The following PCDHGA6 variants were observed in gnomAD, a reference collection of about 807,000 sequenced individuals.
PCDHGA6 encodes protocadherin gamma-A6.
PCDHGA6 carries 41 observed loss-of-function variants against 60.6 expected under a neutral mutation model. That is an observed-to-expected ratio of 0.68 (90% CI 0.53 to 0.88). The LOEUF (loss-of-function observed/expected upper bound fraction) is 0.88, where lower values mean the gene tolerates loss of function less well. PCDHGA6 is among the 40% of genes least tolerant of loss of function. The pLI is 0.00. For missense variants in PCDHGA6, 1,312 were observed against 1,203.0 expected, an observed-to-expected ratio of 1.09 and a Z score of -1.34; for synonymous variants, 594 against 524.4, an observed-to-expected ratio of 1.13 and a Z score of -1.81.
intron 1 of PCDHGA6, among the ~76,000 whole-genome samples, chr5:141,437,976 T>G (rs1182220385): frequency 1.3e-5 from 2 of 152,096 alleles, no homozygotes; most frequent in Non-Finnish European, 2.9e-5. Flanking sequence ...GATCTTGGGA[T>G]GCACCCACCC....
chr5:141,510,840 A>C (rs2099882997), intron 3 of PCDHGA6, 107 bp from the exon 4 acceptor site: 1 of 1,588,450 alleles, frequency 6.3e-7, no homozygotes, highest in Non-Finnish European at 8.6e-7. Context: ...CAGCGTGGTC[A>C]AGGCCCAGGG....
At position 141,431,516 on chromosome 5, in the gene PCDHGA6, G is replaced by C. The variant is rs941913367; in HGVS notation, c.2424+55009G>C. 3.1e-6 allele frequency: 5 copies of C among 1,613,954 alleles called. No homozygotes were observed. In the African/African-American group the frequency reaches 6.7e-5, roughly 22 times the overall value. On this transcript the variant is annotated intron_variant, in intron 1 of 3. Coordinates refer to ENST00000517434, the MANE Select transcript of PCDHGA6 (RefSeq NM_018919.3). This position sits in a 1 kb window ranked among gnomAD's most constrained non-coding sequence, Gnocchi z 4.8. ...GCCCGAGTACCGCGCGAGCGTTCCG[G>C]AGAATCTGGCCTTGGGCACGCAGCT... is the stretch of plus-strand genomic sequence containing the variant.
Position 141,432,400 on chromosome 5 carries a change from G to C in PCDHGA6, c.2424+55893G>C, listed in dbSNP as rs139153105. ...ACCCGCCCCTCAGCAGCAACGTGTC[G>C]TTGAGCCTGTTCGTGCTGGACCAGA... is the stretch of plus-strand genomic sequence containing the variant. On this transcript the variant is annotated intron_variant, in intron 1 of 3. Coordinates refer to ENST00000517434, the MANE Select transcript of PCDHGA6 (RefSeq NM_018919.3). This position sits in a 1 kb window ranked among gnomAD's most constrained non-coding sequence, Gnocchi z 6.0. 1.2e-6 allele frequency: 2 copies of C among 1,614,240 alleles called. No individual in the cohort carries two copies. Among genetic ancestry groups the C allele is most frequent in the South Asian group, 2.2e-5 (2 of 91,090 alleles).
intron 3 of PCDHGA6, among the ~76,000 whole-genome samples, chr5:141,506,012 T>C (rs2099850012): frequency 6.6e-6 from 1 of 152,208 alleles, no homozygotes; most frequent in Non-Finnish European, 1.5e-5. Context: ...CCTCTTTTGC[T>C]GCCCCTAACT....
At chr5:141,494,965 C>T in intron 2 of PCDHGA6, 100 bp downstream of exon 2, 1 of 1,592,636 alleles carries the variant, frequency 6.3e-7, no homozygotes, top group Non-Finnish European at 8.6e-7. Context: ...CTACAGATGG[C>T]TTCTCCCTCA....
In PCDHGA6 at chr5:141,394,525, G is replaced by T; in HGVS notation, c.2424+18018G>T. ...CTGTACCCCGCCCTCCCCACAGACG[G>T]TTCCACTGGCGTGGAGCTGGCGCCC... On this transcript the variant is annotated intron_variant, in intron 1 of 3. Coordinates refer to ENST00000517434, the MANE Select transcript of PCDHGA6 (RefSeq NM_018919.3). 3 of 1,614,228 alleles carry T rather than the reference G, an allele frequency of 1.9e-6. No homozygotes were observed. The East Asian group carries it at 6.7e-5, about 36-fold the overall frequency.
At chr5:141,409,511 A>C in intron 1 of PCDHGA6, 1 of 1,614,018 alleles carries the variant, frequency 6.2e-7, no homozygotes, top group Non-Finnish European at 8.5e-7. Flanking sequence ...TTCCAGTAGA[A>C]GCATCACCTT....
intron 1 of PCDHGA6, chr5:141,428,021 C>T: frequency 1.2e-6 from 2 of 1,605,604 alleles, no homozygotes; most frequent in Non-Finnish European, 1.7e-6. Context: ...TGCCACGCGC[C>T]GCAGAGTCCG....
chr5:141,430,622 A>T, intron 1 of PCDHGA6: 1 of 752,270 alleles, frequency 1.3e-6, no homozygotes, highest in Admixed American at 2.9e-5. Context: ...GATAGCTAGG[A>T]ATGAACCATC....
intron 1 of PCDHGA6, among the ~76,000 whole-genome samples, chr5:141,482,207 G>T (rs983812650): frequency 6.6e-6 from 1 of 152,130 alleles, no homozygotes; most frequent in East Asian, 1.9e-4. Flanking sequence ...AAACAGACCA[G>T]GTACTTGTTT....
intron 1 of PCDHGA6, among the ~76,000 whole-genome samples, chr5:141,470,290 C>T (rs1226383020): frequency 1.3e-5 from 2 of 152,148 alleles, no homozygotes; most frequent in Non-Finnish European, 2.9e-5. Context: ...TATTGGTTAA[C>T]TGTTTTTATT....
Position 141,490,683 on chromosome 5 carries a change from A to C in PCDHGA6, c.2425-4124A>C, listed in dbSNP as rs766019662. 6 of 1,614,088 alleles carry C rather than the reference A, an allele frequency of 3.7e-6. No homozygotes were observed. The highest frequency in any genetic ancestry group is 5.1e-6 in the Non-Finnish European group (6 of 1,180,034). On this transcript the variant is annotated intron_variant, in intron 1 of 3. Transcript: ENST00000517434. The surrounding 1 kb of genome is among the most constrained non-coding windows in gnomAD (Gnocchi z 5.4). ...TTTGCACTGTGGCTGCCTCAGATCCAGACACTGGGGATAATGCCCGCCTCA... is the reference window on the plus strand; with the variant it reads ...TTTGCACTGTGGCTGCCTCAGATCCCGACACTGGGGATAATGCCCGCCTCA...
Position 141,487,779 on chromosome 5 carries a change from T to C in PCDHGA6, c.2425-7028T>C, listed in dbSNP as rs1269811316. On this transcript the variant is annotated intron_variant, in intron 1 of 3. Coordinates refer to ENST00000517434, the MANE Select transcript of PCDHGA6 (RefSeq NM_018919.3). This position sits in a 1 kb window ranked among gnomAD's most constrained non-coding sequence, Gnocchi z 5.0. ...GTAGACGCTGTGCTTTGTAACTGTT[T>C]CGTGAATTAACCAGAGTTGTCACAG... is the stretch of plus-strand genomic sequence containing the variant. 2.6e-6 allele frequency: 4 copies of C among 1,530,492 alleles called. No individual in the cohort carries two copies. The highest frequency in any genetic ancestry group is 2.6e-6 in the Non-Finnish European group (3 of 1,133,212). The allele number at this position is 1,530,492 out of a possible 1,614,324, so 94.8% of individuals were successfully genotyped here. A position where few individuals can be genotyped will look rare whatever the true frequency, so the allele number is the denominator to read the frequency against.
chr5:141,424,956 T>C (rs1435882776), intron 1 of PCDHGA6, among the ~76,000 whole-genome samples: 3 of 152,176 alleles, frequency 2.0e-5, no homozygotes, highest in African/African-American at 7.2e-5. Context: ...TTCTAGGTAT[T>C]TGCCCCAAAT....
intron 1 of PCDHGA6, chr5:141,410,258 G>A: frequency 6.2e-7 from 1 of 1,614,022 alleles, no homozygotes; most frequent in East Asian, 2.2e-5. Context: ...TGACCCCCAG[G>A]CTGAACTGCA....
chr5:141,410,068 C>A, intron 1 of PCDHGA6: 1 of 1,612,950 alleles, frequency 6.2e-7, no homozygotes. Context: ...TGGGGCTGCG[C>A]ACTGGGGAGG....
At chr5:141,478,088 A>G (rs2099429877) in intron 1 of PCDHGA6, 2 of 1,613,944 alleles carry the variant, frequency 1.2e-6, no homozygotes, top group African/African-American at 1.3e-5. Context: ...TTCGCTCTCC[A>G]CCACTGCTAC....
chr5:141,409,711 A>T (rs768917889), intron 1 of PCDHGA6: 1 of 1,613,204 alleles, frequency 6.2e-7, no homozygotes, highest in Non-Finnish European at 8.5e-7. Flanking sequence ...CGGTGTCGTC[A>T]TACGTGTCAG....
Position 141,490,854 on chromosome 5 carries a change from C to T in PCDHGA6, c.2425-3953C>T. On this transcript the variant is annotated intron_variant, in intron 1 of 3. Transcript: ENST00000517434. The surrounding 1 kb of genome is among the most constrained non-coding windows in gnomAD (Gnocchi z 5.4). The stretch of plus-strand genomic sequence containing the variant: ...TGCAGATTGTGGTGGGGGTTCGAGA[C>T]TCCGGCTCTCCCCCATTGCATGCCA... 6.2e-7 allele frequency: 1 copy of T among 1,613,900 alleles called. No homozygotes were observed. The highest frequency in any genetic ancestry group is 8.5e-7 in the Non-Finnish European group (1 of 1,179,914).
Sources: gnomAD v4.1 joint callset for allele counts (sites outside exome capture counted in the v4.1 genomes callset) on GRCh38, gnomAD v4.1.1 for gene constraint, Gnocchi (gnomAD v3.1) non-coding constraint, MANE v1.5 for transcripts, NCBI Gene and HGNC (gene_info 2026-07-23, HGNC 2026-07-21) for gene names.